Variants in AMZ1 observed in about 807,000 individuals in gnomAD.
The protein encoded by AMZ1 is archaelysin family metallopeptidase 1.
AMZ1 carries 39 observed loss-of-function variants against 29.9 expected under a neutral mutation model. The observed-to-expected ratio is 1.30, with a 90% CI of 1.01 to 1.70. AMZ1 has a LOEUF of 1.70. Ranked by LOEUF, AMZ1 falls within the 40% of genes most tolerant of loss-of-function variation. AMZ1 has a pLI of 0.00. For missense variants in AMZ1, 1,041 were observed against 680.6 expected, an observed-to-expected ratio of 1.53 and a Z score of -5.89; for synonymous variants, 458 against 304.0, an observed-to-expected ratio of 1.51 and a Z score of -5.27.
At chr7:2,693,224 G>C (rs892006450) in intron 1 of AMZ1, among the ~76,000 whole-genome samples, 1 of 151,956 alleles carries the variant, frequency 6.6e-6, no homozygotes, top group Non-Finnish European at 1.5e-5. Context: ...GAGTAGCTGG[G>C]ATTACAGGCA....
At chr7:2,761,884 G>T (rs562465574), upstream of AMZ1, among the ~76,000 whole-genome samples, 1 of 152,144 alleles carries the variant, frequency 6.6e-6, no homozygotes. Context: ...TCGGCTTCCA[G>T]CTGGTCCAGT....
At chr7:2,754,828 G>A (rs1454545173) in intron 4 of AMZ1, among the ~76,000 whole-genome samples, 1 of 152,140 alleles carries the variant, frequency 6.6e-6, no homozygotes, top group Non-Finnish European at 1.5e-5. Context: ...TGATTTCAAC[G>A]GATCACTAGG....
chr7:2,692,204 G>A (rs1214057031), intron 1 of AMZ1, among the ~76,000 whole-genome samples: 1 of 152,144 alleles, frequency 6.6e-6, no homozygotes, highest in Non-Finnish European at 1.5e-5. Flanking sequence ...AAGACAGGTG[G>A]GACCACACCC....
At chr7:2,707,580 A>G (rs1462577244) in intron 3 of AMZ1, among the ~76,000 whole-genome samples, 2 of 152,014 alleles carry the variant, frequency 1.3e-5, no homozygotes, top group Non-Finnish European at 2.9e-5. Context: ...AAGTTACACA[A>G]CTTGCTAGCT....
chr7:2,702,291 C>T (rs1469851876), intron 2 of AMZ1: 2 of 169,078 alleles, frequency 1.2e-5, no homozygotes, highest in South Asian at 3.4e-4. Context: ...GCTGTCTGCC[C>T]CAGCCAGGCT....
chr7:2,742,083 G>T (rs759712984), intron 4 of AMZ1, among the ~76,000 whole-genome samples: 1 of 151,750 alleles, frequency 6.6e-6, no homozygotes, highest in African/African-American at 2.4e-5. Flanking sequence ...GTGCAGTGGG[G>T]CGATCTCAGC....
Position 2,733,305 on chromosome 7 carries a change from C to G in AMZ1, n.550+23489C>G, listed in dbSNP as rs558388698. On this transcript the variant is annotated intron_variant and non_coding_transcript_variant, in intron 4 of 4. Coordinates refer to the AMZ1 transcript ENST00000489665. Reference sequence around the variant, plus strand: ...GGGCCCAGATCCAAGTGAGAGCGTGCCATTACAGTACTATTCGTGGTAATG... The same window carrying G: ...GGGCCCAGATCCAAGTGAGAGCGTGGCATTACAGTACTATTCGTGGTAATG... 7.3e-6 allele frequency: 5 copies of G among 689,568 alleles called. No homozygotes were observed. In the South Asian group the frequency reaches 8.5e-5, roughly 12 times the overall value. The allele number at this position is 689,568 out of a possible 1,614,324, so 42.7% of individuals were successfully genotyped here.
In AMZ1 at chr7:2,718,743, G is replaced by A. The variant is rs910857850; in HGVS notation, c.*5865G>A. ...GGCTTGTGCAGCCGGGCTTGGTCTTGTGGTCAGGGAGAAGCGGGCAGGCCA... is the reference window on the plus strand; with the variant it reads ...GGCTTGTGCAGCCGGGCTTGGTCTTATGGTCAGGGAGAAGCGGGCAGGCCA... On this transcript the variant is annotated 3_prime_UTR_variant, in exon 7 of 7. Transcript: ENST00000683327. Among the ~76,000 whole-genome samples the A allele has an allele frequency of 9.2e-5, 14 of 152,182 alleles. No individual in the cohort carries two copies. The highest frequency in any genetic ancestry group is 3.4e-4 in the African/African-American group (14 of 41,460).
chr7:2,753,477 A>T (rs957561653), intron 4 of AMZ1, among the ~76,000 whole-genome samples: 1 of 152,090 alleles, frequency 6.6e-6, no homozygotes, highest in Non-Finnish European at 1.5e-5. Flanking sequence ...CACTCAACAT[A>T]ATGTCCTTGG....
chr7:2,751,499 A>T (rs367735092), intron 4 of AMZ1, among the ~76,000 whole-genome samples: 3 of 152,308 alleles, frequency 2.0e-5, no homozygotes, highest in East Asian at 3.9e-4. Context: ...TTTAAACTCA[A>T]GGTAAGCAGG....
chr7:2,679,952 C>T (rs1042967170), intron 1 of AMZ1, among the ~76,000 whole-genome samples: 4 of 152,140 alleles, frequency 2.6e-5, no homozygotes, highest in Admixed American at 6.5e-5. Flanking sequence ...AGAGGGACCC[C>T]GGAGGTAGGA....
intron 1 of AMZ1, among the ~76,000 whole-genome samples, chr7:2,688,651 A>G (rs1457632940): frequency 6.6e-6 from 1 of 152,126 alleles, no homozygotes. Context: ...ATCCAGGGCC[A>G]AGCGCCCGAA....
upstream of AMZ1, among the ~76,000 whole-genome samples, chr7:2,686,381 A>C (rs896440203): frequency 3.3e-5 from 5 of 152,088 alleles, no homozygotes; most frequent in Non-Finnish European, 7.4e-5. Context: ...TAAAAGTTTC[A>C]AAATTAGCCA....
At chr7:2,762,714 G>A (rs1396368053), upstream of AMZ1, 2 of 1,564,346 alleles carry the variant, frequency 1.3e-6, no homozygotes, top group South Asian at 1.2e-5. Context: ...AGCGCCAGAG[G>A]GAAGCAGGCC....
intron 4 of AMZ1, among the ~76,000 whole-genome samples, chr7:2,735,259 T>G (rs1012951138): frequency 9.2e-5 from 14 of 151,960 alleles, no homozygotes; most frequent in African/African-American, 3.4e-4. Flanking sequence ...GGCCACGGGC[T>G]CCCCCAGGGA....
At chr7:2,764,348 G>T (rs1264440321), upstream of AMZ1, among the ~76,000 whole-genome samples, 1 of 151,674 alleles carries the variant, frequency 6.6e-6, no homozygotes, top group Non-Finnish European at 1.5e-5. Flanking sequence ...CTCCCAAAGT[G>T]CCAGGATTCC....
intron 4 of AMZ1, among the ~76,000 whole-genome samples, chr7:2,725,602 A>G (rs1307794127): frequency 6.6e-6 from 1 of 152,192 alleles, no homozygotes; most frequent in African/African-American, 2.4e-5. Context: ...CGTGCAAGAC[A>G]GGCCATGAAC....
rs1200150062 is a variant in AMZ1, at chr7:2,716,849, A to C, written c.*3971A>C. 1.3e-5 allele frequency among the ~76,000 whole-genome samples: 2 copies of C among 152,186 alleles called. No homozygotes were observed. The highest frequency in any genetic ancestry group is 2.9e-5 in the Non-Finnish European group (2 of 68,040). On this transcript the variant is annotated 3_prime_UTR_variant, in exon 7 of 7. Coordinates refer to ENST00000683327, the MANE Select transcript of AMZ1 (RefSeq NM_001384743.1). Reference sequence around the variant, plus strand: ...CTGTAAGGCAGATGGCTGCATCCCCACCATATGGCTGTGGCTGTCGAGATG... The same window carrying C: ...CTGTAAGGCAGATGGCTGCATCCCCCCCATATGGCTGTGGCTGTCGAGATG...
At chr7:2,682,412 G>A (rs964711821) in intron 1 of AMZ1, among the ~76,000 whole-genome samples, 2 of 152,184 alleles carry the variant, frequency 1.3e-5, no homozygotes, top group Non-Finnish European at 2.9e-5. Context: ...AGGCCGATGC[G>A]AGGGTCCTTA....
Sources: gnomAD v4.1 joint callset for allele counts (sites outside exome capture counted in the v4.1 genomes callset) on GRCh38, gnomAD v4.1.1 for gene constraint, MANE v1.5 for transcripts, NCBI Gene and HGNC (gene_info 2026-07-23, HGNC 2026-07-21) for gene names.